The following CHRNB4 variants were observed in gnomAD, a reference collection of about 807,000 sequenced individuals.
CHRNB4 encodes the protein cholinergic receptor nicotinic beta 4 subunit, also known as neuronal acetylcholine receptor subunit beta-4.
CHRNB4 carries 23 observed loss-of-function variants against 40.4 expected under a neutral mutation model. The observed-to-expected ratio is 0.57, with a 90% confidence interval of 0.41 to 0.81. The LOEUF (loss-of-function observed/expected upper bound fraction) is 0.81. Among genes scored for constraint, CHRNB4 ranks in the 30% least tolerant of loss-of-function variants. CHRNB4 has a pLI of 0.00. For synonymous variants in CHRNB4, 285 were observed against 274.4 expected (o/e 1.04, Z -0.38); for missense variants, 568 against 670.6 (o/e 0.85, Z 1.69).
chr15:78,640,479 G>A (rs778782669), intron 1 of CHRNB4, among the ~76,000 whole-genome samples: 4 of 152,164 alleles, frequency 2.6e-5, no homozygotes, highest in Non-Finnish European at 4.4e-5. Context: ...TGTGTTTGCT[G>A]GGAGATCCAC....
At chr15:78,640,836 G>GC (rs1274422399) in intron 1 of CHRNB4, among the ~76,000 whole-genome samples, 5 of 152,184 alleles carry the variant, frequency 3.3e-5, no homozygotes, top group African/African-American at 1.2e-4. Context: ...GGTGGCCCTG[G>GC]CCCTGGCAGC....
At chr15:78,653,595 C>G (rs1039256199) in intron 5 of CHRNB4, among the ~76,000 whole-genome samples, 2 of 152,170 alleles carry the variant, frequency 1.3e-5, no homozygotes, top group Admixed American at 1.3e-4. Context: ...CTCCTAGCTG[C>G]AAGAATGCAG....
intron 2 of CHRNB4, among the ~76,000 whole-genome samples, chr15:78,634,300 C>T (rs1009554743): frequency 6.6e-6 from 1 of 152,198 alleles, no homozygotes; most frequent in African/African-American, 2.4e-5. Context: ...CTCGTTCACC[C>T]TCACTAGGGC....
In CHRNB4 at chr15:78,655,438, A is replaced by C. The variant is rs1021807279; in HGVS notation, c.-110+106T>G. ...TATATCTATATATCTATATCTATAT[A>C]TATCTATATCTATATATATCTATAT... is the stretch of plus-strand genomic sequence containing the variant. On this transcript the variant is annotated intron_variant and NMD_transcript_variant, in intron 5 of 11. Coordinates refer to the CHRNB4 transcript ENST00000559849. 25 of 145,700 alleles carry C rather than the reference A, an allele frequency of 1.7e-4. 1 individual carries two copies. The highest frequency in any genetic ancestry group is 1.5e-5 in the Non-Finnish European group (1 of 66,716). 9.0% of individuals were successfully genotyped at this position (145,700 alleles called of 1,614,324 possible).
At chr15:78,647,716 C>G (rs1295042347) in intron 7 of CHRNB4, among the ~76,000 whole-genome samples, 1 of 147,412 alleles carries the variant, frequency 6.8e-6, no homozygotes, top group African/African-American at 2.5e-5. Flanking sequence ...AAAAATTAGC[C>G]GGGCGTGGTG....
intron 6 of CHRNB4, among the ~76,000 whole-genome samples, chr15:78,649,714 A>G (rs1169355108): frequency 6.6e-6 from 1 of 151,910 alleles, no homozygotes; most frequent in Non-Finnish European, 1.5e-5. Context: ...ATTTAAAAAC[A>G]TGTTTAAAGA....
chr15:78,628,805 G>A (rs2053721213), intron 5 of CHRNB4, among the ~76,000 whole-genome samples, 162 bp downstream of exon 5: 1 of 152,182 alleles, frequency 6.6e-6, no homozygotes, highest in African/African-American at 2.4e-5. Flanking sequence ...CCGGATGCAT[G>A]AAGCTATAAT....
rs1276515955 is a variant in CHRNB4 at position 78,625,096 on chromosome 15, C to A, written c.*37G>T. ...AAGAAGCAGCAAAGTGCCCACCCGG[C>A]CACTCACATCCTCTCACCCCACAAC... On this transcript the variant is annotated 3_prime_UTR_variant, in exon 6 of 6. Transcript: ENST00000261751. The A allele has an allele frequency of 8.7e-6, 14 of 1,613,474 alleles. No homozygotes were observed. The highest frequency in any genetic ancestry group is 1.2e-5 in the Non-Finnish European group (14 of 1,180,002).
Position 78,629,173 on chromosome 15 carries a change from T to C in CHRNB4, c.1132A>G (p.Ser378Gly). Residue 378 changes from serine to glycine, a missense_variant, in exon 5 of 6, where the codon AGC (serine) becomes GGC (glycine). By Grantham distance (56) the Ser-to-Gly change is moderately conservative. Around this residue, in one of 4 missense-constraint regions of CHRNB4, gnomAD observed 242 missense variants for 274.9 expected, o/e 0.88. Coordinates refer to ENST00000261751, the MANE Select transcript of CHRNB4 (RefSeq NM_000750.5). This position sits in a 1 kb window ranked among gnomAD's most constrained non-coding sequence, Gnocchi z 6.8. Reference protein sequence around the residue: ...TKPEATATSTSPSNFYGNSMY... With the variant: ...TKPEATATSTGPSNFYGNSMY... ...GAGTTCCCATAGAAGTTGGAGGGGCTGGTGGAGGTGGCGGTGGCCTCGGGC... is the reference window on the plus strand; with the variant it reads ...GAGTTCCCATAGAAGTTGGAGGGGCCGGTGGAGGTGGCGGTGGCCTCGGGC... 1 of 1,613,912 alleles carries C rather than the reference T, an allele frequency of 6.2e-7. No homozygotes were observed. Among genetic ancestry groups the C allele is most frequent in the Non-Finnish European group, 8.5e-7 (1 of 1,179,948 alleles).
Position 78,629,339 on chromosome 15 carries a change from G to A in CHRNB4, c.966C>T (p.Arg322=). ...GTGCCATGGTGTGGGTGCTGGGCGA[G>A]CGGTGGTGCACATTGAGCACACAGA... ...TSVCVLNVHH[R]SPSTHTMAPW... The change falls in exon 5 of 6, where the codon CGC becomes CGT. Residue 322 remains arginine (R), a synonymous_variant. Coordinates refer to ENST00000261751, the MANE Select transcript of CHRNB4 (RefSeq NM_000750.5). This position sits in a 1 kb window ranked among gnomAD's most constrained non-coding sequence, Gnocchi z 6.8. 2 of 1,614,122 alleles carry A rather than the reference G, an allele frequency of 1.2e-6. No homozygotes were observed. Among genetic ancestry groups the A allele is most frequent in the Non-Finnish European group, 1.7e-6 (2 of 1,180,038 alleles).
At position 78,629,252 on chromosome 15, in the gene CHRNB4, G is replaced by A. The variant is rs1197269418; in HGVS notation, c.1053C>T (p.Gly351=). The part of the protein sequence containing the change: ...LPTFLFMKRP[G]PDSSPARAFP... The stretch of plus-strand genomic sequence containing the variant: ...AGGCTCTGGCCGGGCTGCTGTCGGG[G>A]CCAGGGCGCTTCATGAAGAGGAAGG... The change falls in exon 5 of 6, where the codon GGC becomes GGT. Residue 351 remains glycine (G), a synonymous_variant. Transcript: ENST00000261751. This position sits in a 1 kb window ranked among gnomAD's most constrained non-coding sequence, Gnocchi z 6.8. The A allele has an allele frequency of 1.5e-5, 24 of 1,613,312 alleles. No individual in the cohort carries two copies. The highest frequency in any genetic ancestry group is 1.9e-5 in the Non-Finnish European group (22 of 1,179,602).
chr15:78,634,731 G>A (rs1401323634), intron 2 of CHRNB4: 2 of 455,924 alleles, frequency 4.4e-6, no homozygotes, highest in Admixed American at 4.7e-5. Flanking sequence ...CAGGGACGGA[G>A]TTCTAACCCT....
intron 5 of CHRNB4, among the ~76,000 whole-genome samples, chr15:78,654,837 C>T (rs2054199422): frequency 6.6e-6 from 1 of 152,154 alleles, no homozygotes; most frequent in Non-Finnish European, 1.5e-5. Flanking sequence ...CAGACATTAC[C>T]AGCACCCTAA....
At chr15:78,654,089 A>G (rs2141410616) in intron 5 of CHRNB4, among the ~76,000 whole-genome samples, 2 of 152,252 alleles carry the variant, frequency 1.3e-5, no homozygotes, top group Admixed American at 1.3e-4. Flanking sequence ...ACATAGCATA[A>G]AGACCCAGAT....
At chr15:78,639,125 A>T (rs1207910208) in intron 1 of CHRNB4, among the ~76,000 whole-genome samples, 3 of 152,240 alleles carry the variant, frequency 2.0e-5, no homozygotes, top group Admixed American at 1.3e-4. Flanking sequence ...TTGTATTGAA[A>T]AAATGGAAAG....
chr15:78,659,548 C>G (rs2054237042), intron 1 of CHRNB4, among the ~76,000 whole-genome samples: 1 of 152,108 alleles, frequency 6.6e-6, no homozygotes, highest in African/African-American at 2.4e-5. Context: ...CCCTAGCTCT[C>G]TGAGGAGGTG....
Position 78,629,535 on chromosome 15 carries a change from G to A in CHRNB4, c.770C>T (p.Pro257Leu), listed in dbSNP as rs773094076. The A allele has an allele frequency of 2.5e-6, 4 of 1,614,066 alleles. No individual in the cohort carries two copies. Among genetic ancestry groups the A allele is most frequent in the Non-Finnish European group, 3.4e-6 (4 of 1,180,052 alleles). The change falls in exon 5 of 6, where the codon CCA becomes CTA. Residue 257 changes from proline (P) to leucine (L), a missense_variant. By Grantham distance (98) the Pro-to-Leu change is moderately conservative (BLOSUM62 -3). Coordinates refer to ENST00000261751, the MANE Select transcript of CHRNB4 (RefSeq NM_000750.5). The surrounding 1 kb of genome is among the most constrained non-coding windows in gnomAD (Gnocchi z 6.8). Reference protein sequence around the residue: ...TLLAILVFYLPSDCGEKMTLC... With the variant: ...TLLAILVFYLLSDCGEKMTLC... Reference sequence around the variant, plus strand: ...TGTCATCTTCTCGCCGCAGTCGGATGGCAGGTAGAAGACGAGGATGGCCAG... The same window carrying A: ...TGTCATCTTCTCGCCGCAGTCGGATAGCAGGTAGAAGACGAGGATGGCCAG...
At chr15:78,630,677 A>C (rs1164876759) in intron 4 of CHRNB4, among the ~76,000 whole-genome samples, 3 of 152,214 alleles carry the variant, frequency 2.0e-5, no homozygotes, top group Non-Finnish European at 2.9e-5. Flanking sequence ...TGTAATCACG[A>C]CTCAGGAAAA....
At chr15:78,641,423 C>T (rs980095710), upstream of CHRNB4, among the ~76,000 whole-genome samples, 5 of 152,182 alleles carry the variant, frequency 3.3e-5, no homozygotes, top group African/African-American at 1.2e-4. Flanking sequence ...CAGGACAGTG[C>T]GGGCACCCTT....
Sources: gnomAD v4.1 joint callset for allele counts (sites outside exome capture counted in the v4.1 genomes callset) on GRCh38, gnomAD v4.1.1 for gene constraint, gnomAD v4.1.1 regional missense constraint, Gnocchi (gnomAD v3.1) non-coding constraint, MANE v1.5 for transcripts, NCBI Gene and HGNC (gene_info 2026-07-23, HGNC 2026-07-21) for gene names.